DYNLT5: variants seen among roughly 807,000 people sequenced by gnomAD.
DYNLT5 encodes dynein light chain Tctex-type family member 5, also known as dynein light chain Tctex-type 5.
Under a neutral mutation model 19.3 loss-of-function variants are expected in DYNLT5, and 25 were observed. The ratio of observed to expected loss-of-function variants is 1.30; its 90% confidence interval spans 0.95 to 1.81. The LOEUF (loss-of-function observed/expected upper bound fraction) is 1.81. DYNLT5 is among the 40% of genes most tolerant of loss of function. The pLI, the probability that DYNLT5 is intolerant of heterozygous loss-of-function variation, is 0.00. For synonymous variants in DYNLT5, 82 were observed against 68.9 expected (o/e 1.19, Z -0.94); for missense variants, 232 against 217.9 (o/e 1.06, Z -0.41).
intron 2 of DYNLT5, among the ~76,000 whole-genome samples, chr1:66,765,443 T>A (rs2094653060): frequency 6.6e-6 from 1 of 152,154 alleles, no homozygotes; most frequent in South Asian, 2.1e-4. Context: ...TTCTCAATAA[T>A]AATTAGATGC....
intron 4 of DYNLT5, among the ~76,000 whole-genome samples, chr1:66,776,882 A>T (rs973638600): frequency 6.6e-6 from 1 of 152,138 alleles, no homozygotes; most frequent in African/African-American, 2.4e-5. Context: ...GAGACTCCAG[A>T]TGTATGGTTT....
At chr1:66,776,554 T>TGGGGGGG (rs1236293681) in intron 4 of DYNLT5, 151 bp downstream of exon 4, 1 of 809,888 alleles carries the variant, frequency 1.2e-6, no homozygotes, top group African/African-American at 1.9e-5. Flanking sequence ...TATATGTGTG[T>TGGGGGGG]GTGTGGGTGT....
chr1:66,770,738 G>A (rs1480049740), intron 3 of DYNLT5: 1 of 506,772 alleles, frequency 2.0e-6, no homozygotes, highest in Non-Finnish European at 3.6e-6. Flanking sequence ...GTATACTACT[G>A]ACTTAACAAA....
Position 66,776,354 on chromosome 1 carries a change from A to G in DYNLT5, c.287A>G (p.Glu96Gly). ...GTAGTAACCAGCTATCTACAAGTAG[A>G]AGAATATGAACCAGAGCTCTGTAGA... is the stretch of plus-strand genomic sequence containing the variant. Reference protein sequence around the residue: ...KDVVTSYLQVEEYEPELCRQM... With the variant: ...KDVVTSYLQVGEYEPELCRQM... The change falls in exon 4 of 5, where the codon GAA becomes GGA. Residue 96 changes from glutamate to glycine, a missense_variant. Coordinates refer to ENST00000282670, the MANE Select transcript of DYNLT5 (RefSeq NM_152665.3). The G allele has an allele frequency of 6.2e-7, 1 of 1,613,360 alleles. No homozygotes were observed. The highest frequency in any genetic ancestry group is 8.5e-7 in the Non-Finnish European group (1 of 1,179,624).
At chr1:66,762,164 T>G (rs1186919453) in intron 2 of DYNLT5, among the ~76,000 whole-genome samples, 1 of 152,218 alleles carries the variant, frequency 6.6e-6, no homozygotes, top group Admixed American at 6.5e-5. Flanking sequence ...CCATTTTAAA[T>G]TTTATGTTTT....
chr1:66,772,641 G>A (rs1023865785), intron 3 of DYNLT5, among the ~76,000 whole-genome samples: 2 of 152,128 alleles, frequency 1.3e-5, no homozygotes, highest in African/African-American at 4.8e-5. Flanking sequence ...GCACTATTAT[G>A]TTTAATTAAT....
In DYNLT5 at chr1:66,778,161, A is replaced by G. The variant is rs1645247885; in HGVS notation, c.*707A>G. ...TAAAGGCTTTTTGGGACACTGAAGTAGACATTGTGATATTAAATATACATG... is the reference window on the plus strand; with the variant it reads ...TAAAGGCTTTTTGGGACACTGAAGTGGACATTGTGATATTAAATATACATG... On this transcript the variant is annotated 3_prime_UTR_variant, in exon 5 of 5. Transcript: ENST00000282670. The G allele has an allele frequency of 6.5e-6, 1 of 152,690 alleles. No individual in the cohort carries two copies. Among genetic ancestry groups the G allele is most frequent in the Non-Finnish European group, 1.5e-5 (1 of 68,044 alleles). 9.5% of individuals were successfully genotyped at this position (152,690 alleles called of 1,614,324 possible). A position where few individuals can be genotyped will look rare whatever the true frequency, so the allele number is the denominator to read the frequency against.
At chr1:66,757,676 C>T (rs527521878) in intron 2 of DYNLT5, among the ~76,000 whole-genome samples, 1 of 151,946 alleles carries the variant, frequency 6.6e-6, no homozygotes, top group Non-Finnish European at 1.5e-5. Flanking sequence ...TTGCGATGAA[C>T]CTTATTTATG....
At chr1:66,775,963 C>T (rs554493306) in intron 3 of DYNLT5, among the ~76,000 whole-genome samples, 1 of 152,066 alleles carries the variant, frequency 6.6e-6, no homozygotes, top group South Asian at 2.1e-4. Context: ...AGGTAGAGAG[C>T]CAGTTATAAA....
intron 3 of DYNLT5, chr1:66,771,046 C>T (rs567494657): frequency 1.0e-4 from 16 of 157,452 alleles, no homozygotes; most frequent in South Asian, 1.9e-4. Flanking sequence ...TAAAAGCGTA[C>T]CTGCCCACTA....
intron 2 of DYNLT5, among the ~76,000 whole-genome samples, chr1:66,767,843 G>A (rs1645175004): frequency 6.6e-6 from 1 of 152,128 alleles, no homozygotes; most frequent in African/African-American, 2.4e-5. Context: ...GGCTCCTATA[G>A]GCTGCATTAG....
In DYNLT5 at chr1:66,777,383, T is replaced by C; in HGVS notation, c.469T>C (p.Phe157Leu). The C allele has an allele frequency of 6.2e-7, 1 of 1,613,928 alleles. No individual in the cohort carries two copies. Among genetic ancestry groups the C allele is most frequent in the East Asian group, 2.2e-5 (1 of 44,858 alleles). ...RCLWDPKSDT[F>L]SSYVFRNSSL... Reference sequence around the variant, plus strand: ...CCTCTGGGATCCTAAAAGTGATACCTTTTCATCTTATGTTTTCAGAAATTC... The same window carrying C: ...CCTCTGGGATCCTAAAAGTGATACCCTTTCATCTTATGTTTTCAGAAATTC... Residue 157 changes from phenylalanine (F) to leucine (L), a missense_variant, in exon 5 of 5, where the codon TTT becomes CTT. Phe to Leu is a conservative substitution (Grantham distance 22, BLOSUM62 0). Coordinates refer to ENST00000282670, the MANE Select transcript of DYNLT5 (RefSeq NM_152665.3).
chr1:66,771,697 G>C (rs752341294), intron 3 of DYNLT5, among the ~76,000 whole-genome samples: 1 of 152,100 alleles, frequency 6.6e-6, no homozygotes, highest in Non-Finnish European at 1.5e-5. Context: ...GCTAAGTTTG[G>C]GTCAGGTTTT....
intron 1 of DYNLT5, among the ~76,000 whole-genome samples, chr1:66,752,809 G>A (rs905145325): frequency 2.6e-5 from 4 of 152,242 alleles, no homozygotes; most frequent in Non-Finnish European, 4.4e-5. Flanking sequence ...TGGGCTTCAA[G>A]AGTGATGGCC....
chr1:66,756,703 A>G (rs998779204), intron 2 of DYNLT5, among the ~76,000 whole-genome samples: 3 of 152,206 alleles, frequency 2.0e-5, no homozygotes, highest in Non-Finnish European at 4.4e-5. Context: ...AATTTGACTT[A>G]ATGATTAGGA....
intron 2 of DYNLT5, among the ~76,000 whole-genome samples, chr1:66,766,309 C>T (rs1348630345): frequency 6.6e-6 from 1 of 152,136 alleles, no homozygotes; most frequent in Non-Finnish European, 1.5e-5. Context: ...TGATGACAGA[C>T]AACTGAAACC....
intron 2 of DYNLT5, among the ~76,000 whole-genome samples, chr1:66,761,493 A>G (rs907297413): frequency 6.6e-6 from 1 of 152,206 alleles, no homozygotes; most frequent in African/African-American, 2.4e-5. Context: ...ATCATAAAAT[A>G]AGACAACAGG....
Position 66,771,044 on chromosome 1 carries a change from T to A in DYNLT5, c.211+566T>A, listed in dbSNP as rs191187613. 349 of 157,496 alleles carry A rather than the reference T, an allele frequency of 2.2e-3. 13 individuals are homozygous for A. Among genetic ancestry groups the A allele is most frequent in the Admixed American group, 0.022 (347 of 15,796 alleles). 9.8% of individuals were successfully genotyped at this position (157,496 alleles called of 1,614,324 possible). On this transcript the variant is annotated intron_variant, in intron 3 of 4. Transcript: ENST00000282670. ...GACCCACTTGTTTTCTCTAAAAGCG[T>A]ACCTGCCCACTATTACCTGAATTCA...
intron 1 of DYNLT5, among the ~76,000 whole-genome samples, chr1:66,753,009 C>T (rs1225083117): frequency 2.0e-5 from 3 of 152,208 alleles, no homozygotes; most frequent in Non-Finnish European, 4.4e-5. Context: ...GAATGACCCA[C>T]CTAATCAGGC....
Sources: allele counts gnomAD v4.1 joint callset (sites outside exome capture counted in the v4.1 genomes callset), GRCh38; gene constraint gnomAD v4.1.1; transcripts MANE v1.5; gene names NCBI Gene and HGNC (gene_info 2026-07-23, HGNC 2026-07-21).